The following NECAB1 variants were observed in gnomAD, a reference collection of about 807,000 sequenced individuals.
The protein encoded by NECAB1 is N-terminal EF-hand calcium-binding protein 1.
NECAB1 carries 29 observed loss-of-function variants against 57.5 expected under a neutral mutation model. The ratio of observed to expected loss-of-function variants is 0.50; its 90% CI spans 0.38 to 0.69. The LOEUF (loss-of-function observed/expected upper bound fraction) is 0.69, where lower values mean the gene tolerates loss of function less well. NECAB1 is among the 30% of genes least tolerant of loss of function. The probability of loss-of-function intolerance (pLI) is 0.00; values close to 1 mark genes in which losing one functional copy is unlikely to be tolerated. For synonymous variants in NECAB1, 142 were observed against 147.7 expected, an observed-to-expected ratio of 0.96 and a Z score of 0.28; for missense variants, 372 against 413.8, an observed-to-expected ratio of 0.90 and a Z score of 0.88.
intron 9 of NECAB1, among the ~76,000 whole-genome samples, chr8:90,935,284 G>A (rs1028885879): frequency 6.6e-6 from 1 of 152,154 alleles, no homozygotes; most frequent in Non-Finnish European, 1.5e-5. Context: ...ATAATCCAAA[G>A]GGATTCTTCA....
intron 8 of NECAB1, among the ~76,000 whole-genome samples, chr8:90,930,328 T>C (rs991828514): frequency 3.9e-5 from 6 of 152,120 alleles, no homozygotes; most frequent in African/African-American, 1.4e-4. Context: ...AATCTGAGGA[T>C]TGGAGCCTGT....
intron 3 of NECAB1, among the ~76,000 whole-genome samples, chr8:90,853,292 C>G (rs1374396593): frequency 6.6e-6 from 1 of 152,362 alleles, no homozygotes; most frequent in Non-Finnish European, 1.5e-5. Flanking sequence ...CTCACATGCT[C>G]TCTCCCACAA....
intron 10 of NECAB1, among the ~76,000 whole-genome samples, chr8:90,943,819 A>G (rs1474592147): frequency 6.6e-6 from 1 of 152,174 alleles, no homozygotes; most frequent in Non-Finnish European, 1.5e-5. Context: ...TGGCACAATC[A>G]TGGCTCACTG....
chr8:90,846,951 C>G (rs928217893), intron 3 of NECAB1, among the ~76,000 whole-genome samples: 4 of 152,162 alleles, frequency 2.6e-5, no homozygotes, highest in Admixed American at 2.6e-4. Flanking sequence ...CAAACCATAT[C>G]ATTGTGCCCT....
At chr8:90,844,013 A>G (rs1285216869) in intron 3 of NECAB1, among the ~76,000 whole-genome samples, 2 of 152,218 alleles carry the variant, frequency 1.3e-5, no homozygotes, top group African/African-American at 2.4e-5. Context: ...ATAACAGATC[A>G]TGAAACTCAG....
chr8:90,916,121 C>A (rs1427576337), intron 5 of NECAB1, among the ~76,000 whole-genome samples: 1 of 152,198 alleles, frequency 6.6e-6, no homozygotes, highest in Non-Finnish European at 1.5e-5. Context: ...TCAATATTAA[C>A]CATCTCAGTA....
intron 6 of NECAB1, among the ~76,000 whole-genome samples, chr8:90,919,869 C>A (rs1810061272): frequency 6.6e-6 from 1 of 152,154 alleles, no homozygotes; most frequent in Non-Finnish European, 1.5e-5. Flanking sequence ...CCTTCTTCAC[C>A]TGCGCTTTTG....
intron 7 of NECAB1, among the ~76,000 whole-genome samples, chr8:90,927,746 A>C (rs1016625541): frequency 2.6e-5 from 4 of 151,506 alleles, no homozygotes; most frequent in African/African-American, 9.7e-5. Context: ...TATAGAGTCC[A>C]TGTATATATA....
At chr8:90,878,970 C>T (rs1000350359) in intron 4 of NECAB1, among the ~76,000 whole-genome samples, 1 of 127,318 alleles carries the variant, frequency 7.9e-6, no homozygotes. Flanking sequence ...TAATCACTGT[C>T]TCTCTCTCTC....
chr8:90,935,600 C>A (rs1402385046), intron 9 of NECAB1, among the ~76,000 whole-genome samples: 8 of 152,002 alleles, frequency 5.3e-5, no homozygotes, highest in African/African-American at 1.7e-4. Context: ...GTTATCTTCT[C>A]GTAGGTTTGC....
At chr8:90,932,615 T>C (rs1284823833) in intron 8 of NECAB1, among the ~76,000 whole-genome samples, 2 of 152,190 alleles carry the variant, frequency 1.3e-5, no homozygotes, top group African/African-American at 4.8e-5. Context: ...ATAGAGAATT[T>C]ACAGCAAAGC....
At position 90,813,232 on chromosome 8, in the gene NECAB1, TATACACAC is replaced by T. The variant is rs1189638350; in HGVS notation, c.125-11483_125-11476del. The stretch of plus-strand genomic sequence containing the variant: ...ATAAATAAATATATATATATGTATA[TATACACAC>T]ACACACACACACACACACACACACA... On this transcript the variant is annotated intron_variant, in intron 2 of 12. Transcript: ENST00000417640. The T allele has an allele frequency of 1.4e-3, 71 of 49,516 alleles. 1 individual carries two copies. The highest frequency in any genetic ancestry group is 6.0e-3 in the African/African-American group (63 of 10,442). 3.1% of individuals were successfully genotyped at this position (49,516 alleles called of 1,614,324 possible). A position where few individuals can be genotyped will look rare whatever the true frequency, so the allele number is the denominator to read the frequency against.
At chr8:90,951,735 C>A (rs967832543) in intron 12 of NECAB1, among the ~76,000 whole-genome samples, 6 of 148,198 alleles carry the variant, frequency 4.0e-5, no homozygotes, top group Non-Finnish European at 8.9e-5. Context: ...TCCAGCTTCA[C>A]AGAAACGTTT....
intron 3 of NECAB1, among the ~76,000 whole-genome samples, chr8:90,854,531 A>G (rs185111440): frequency 1.3e-5 from 2 of 152,332 alleles, no homozygotes; most frequent in Admixed American, 6.5e-5. Flanking sequence ...CCCCTAATCC[A>G]GGTCTGTTCT....
At position 90,831,700 on chromosome 8, in the gene NECAB1, G is replaced by A. The variant is rs192814288; in HGVS notation, c.233+6875G>A. 1.4e-3 allele frequency among the ~76,000 whole-genome samples: 216 copies of A among 152,172 alleles called. 1 individual carries two copies. The highest frequency in any genetic ancestry group is 5.1e-3 in the African/African-American group (211 of 41,550). On this transcript the variant is annotated intron_variant, in intron 3 of 12. Coordinates refer to ENST00000417640, the MANE Select transcript of NECAB1 (RefSeq NM_022351.5). ...CCCATTCTCTTCCTAGTACAGCCAT[G>A]CCTCTGATGCCCTTCTTTTCTCCTA...
At chr8:90,910,689 C>T (rs1809810125) in intron 5 of NECAB1, among the ~76,000 whole-genome samples, 1 of 152,188 alleles carries the variant, frequency 6.6e-6, no homozygotes, top group Admixed American at 6.6e-5. Context: ...AGGGGCTACA[C>T]AGTTCCAATC....
intron 5 of NECAB1, among the ~76,000 whole-genome samples, chr8:90,885,737 A>C (rs1349997870): frequency 3.3e-5 from 5 of 152,172 alleles, no homozygotes; most frequent in Admixed American, 1.3e-4. Flanking sequence ...ATATGCACAT[A>C]CTATAAATAT....
At chr8:90,916,924 C>G (rs1809967331) in intron 5 of NECAB1, among the ~76,000 whole-genome samples, 1 of 152,156 alleles carries the variant, frequency 6.6e-6, no homozygotes, top group African/African-American at 2.4e-5. Context: ...AAGACATAAG[C>G]AGATTTAGTA....
intron 3 of NECAB1, among the ~76,000 whole-genome samples, chr8:90,844,383 G>C (rs1205774696): frequency 1.3e-5 from 2 of 152,036 alleles, no homozygotes; most frequent in African/African-American, 4.8e-5. Flanking sequence ...AGATCCTAAG[G>C]GTCCCTATAG....
Sources: gnomAD v4.1 joint callset for allele counts (sites outside exome capture counted in the v4.1 genomes callset) on GRCh38, gnomAD v4.1.1 for gene constraint, MANE v1.5 for transcripts, NCBI Gene and HGNC (gene_info 2026-07-23, HGNC 2026-07-21) for gene names.